The following SPACA7 variants were observed in gnomAD, a reference collection of about 807,000 sequenced individuals.
SPACA7 encodes the protein sperm acrosome-associated protein 7.
Under a neutral mutation model 26.3 loss-of-function variants are expected in SPACA7, and 19 were observed. That is an observed-to-expected ratio of 0.72 (90% CI 0.50 to 1.06). The LOEUF is 1.06. Among genes scored for constraint, SPACA7 ranks in the 50% least tolerant of loss-of-function variants. SPACA7 has a pLI of 0.00. For missense variants in SPACA7, 211 were observed against 229.9 expected, an observed-to-expected ratio of 0.92 and a Z score of 0.53; for synonymous variants, 84 against 84.5, an observed-to-expected ratio of 0.99 and a Z score of 0.04.
Position 112,376,449 on chromosome 13 carries a change from A to T in SPACA7, c.64A>T (p.Thr22Ser), listed in dbSNP as rs750835740. 1.2e-6 allele frequency: 2 copies of T among 1,613,688 alleles called. No individual in the cohort carries two copies. The highest frequency in any genetic ancestry group is 1.7e-6 in the Non-Finnish European group (2 of 1,179,864). Residue 22 changes from threonine to serine, a missense_variant, in exon 1 of 7, where the codon ACT becomes TCT. Physicochemically the swap from Thr to Ser is moderately conservative, Grantham distance 58. Transcript: ENST00000283550. ...CCTCCTGCTGTGCTGTTGGCAAGAA[A>T]CTGAGCTCCGGCCGAGAACCGTGAT... ...FVLLLCCWQETELRPRTVIPG... is the reference protein window; with the variant it reads ...FVLLLCCWQESELRPRTVIPG...
At chr13:112,413,655 A>G (rs966776983) in intron 5 of SPACA7, among the ~76,000 whole-genome samples, 19 of 152,144 alleles carry the variant, frequency 1.2e-4, no homozygotes, top group African/African-American at 4.1e-4. Context: ...CTCTGTAATT[A>G]CTTCTTTGAA....
In SPACA7 at chr13:112,383,141, G is replaced by GA. The variant is rs749225998; in HGVS notation, c.94+6665dup. 6.4e-4 allele frequency among the ~76,000 whole-genome samples: 23 copies of GA among 35,856 alleles called. 1 individual carries two copies. The highest frequency in any genetic ancestry group is 3.2e-3 in the African/African-American group (21 of 6,640). The allele number at this position is 35,856 out of a possible 152,430, so 23.5% of individuals were successfully genotyped here. ...AAAAGAAAAGAAAGAAAGAAAGAAA[G>GA]AAAGAAAGAAAGAAAGAAAGAAAGA... On this transcript the variant is annotated intron_variant, in intron 1 of 6. Coordinates refer to ENST00000283550, the MANE Select transcript of SPACA7 (RefSeq NM_145248.5).
chr13:112,415,187 C>A (rs1886612510), intron 5 of SPACA7, among the ~76,000 whole-genome samples: 1 of 152,218 alleles, frequency 6.6e-6, no homozygotes, highest in African/African-American at 2.4e-5. Flanking sequence ...GAATCTCTCT[C>A]CACACTGAGC....
chr13:112,422,872 G>C (rs780146947), intron 5 of SPACA7, among the ~76,000 whole-genome samples: 2 of 152,144 alleles, frequency 1.3e-5, no homozygotes, highest in African/African-American at 2.4e-5. Context: ...AGTGTTCTTG[G>C]AGTTAAGCAG....
intron 5 of SPACA7, 77 bp from the exon 6 acceptor site, chr13:112,432,367 T>A: frequency 1.6e-6 from 2 of 1,239,556 alleles, no homozygotes; most frequent in Non-Finnish European, 2.4e-6. Context: ...TACGGCTCCC[T>A]GAAGTTAAAG....
At position 112,387,615 on chromosome 13, in the gene SPACA7, A is replaced by T. The variant is rs566621513; in HGVS notation, c.95-5406A>T. 2.0e-4 allele frequency among the ~76,000 whole-genome samples: 31 copies of T among 152,290 alleles called. No homozygotes were observed. In the South Asian group the frequency reaches 6.4e-3, roughly 32 times the overall value. ...GAAATTTGGCTGGTAAGAATTTCTT[A>T]TCCTTTTTATCGGCATACCAGGCTT... On this transcript the variant is annotated intron_variant, in intron 1 of 6. Transcript: ENST00000283550.
chr13:112,430,395 T>C (rs534838878), intron 5 of SPACA7, among the ~76,000 whole-genome samples: 3 of 152,364 alleles, frequency 2.0e-5, no homozygotes, highest in African/African-American at 4.8e-5. Flanking sequence ...TGCTCTTTGC[T>C]GATTATTCTC....
chr13:112,432,448 G>C lies in SPACA7; in HGVS notation c.450G>C (p.Lys150Asn). Residue 150 changes from lysine to asparagine, a missense_variant, in exon 6 of 7, where the codon AAG (lysine) becomes AAC (asparagine). Transcript: ENST00000283550. ...TACTTATTGTTTTCCCCACAGAAAA[G>C]AATTCAAAGAACACTCAGTATGAAA... ...GSEKSVSSKE[K>N]NSKNTQYENL... 6.2e-7 allele frequency: 1 copy of C among 1,606,034 alleles called. No individual in the cohort carries two copies. Among genetic ancestry groups the C allele is most frequent in the African/African-American group, 1.3e-5 (1 of 74,902 alleles).
At chr13:112,396,791 G>T (rs929145820) in intron 2 of SPACA7, among the ~76,000 whole-genome samples, 3 of 152,244 alleles carry the variant, frequency 2.0e-5, no homozygotes, top group African/African-American at 7.2e-5. Flanking sequence ...GCTCTGGTCC[G>T]GCAGCTCCGC....
chr13:112,406,344 G>A (rs185067871), intron 5 of SPACA7, among the ~76,000 whole-genome samples: 1 of 152,086 alleles, frequency 6.6e-6, no homozygotes, highest in Non-Finnish European at 1.5e-5. Context: ...GGAATCACAC[G>A]GTATTTGTCC....
At chr13:112,395,935 C>G (rs1031441573) in intron 2 of SPACA7, among the ~76,000 whole-genome samples, 1 of 152,068 alleles carries the variant, frequency 6.6e-6, no homozygotes, top group Non-Finnish European at 1.5e-5. Flanking sequence ...TAGCCCTGAC[C>G]AATCTCCCCG....
At chr13:112,422,325 G>T (rs1357962577) in intron 5 of SPACA7, among the ~76,000 whole-genome samples, 3 of 152,138 alleles carry the variant, frequency 2.0e-5, no homozygotes, top group Non-Finnish European at 4.4e-5. Context: ...GAAAGTAAAA[G>T]CAGACAAATC....
chr13:112,390,132 T>C (rs76192237), intron 1 of SPACA7, among the ~76,000 whole-genome samples: 8,897 of 116,608 alleles, frequency 0.076, 339 homozygotes, highest in African/African-American at 0.13. Flanking sequence ...AAGGGTGTAA[T>C]GGGGGTGGGG....
At chr13:112,381,903 T>C (rs560796018) in intron 1 of SPACA7, among the ~76,000 whole-genome samples, 33 of 152,232 alleles carry the variant, frequency 2.2e-4, no homozygotes, top group African/African-American at 7.9e-4. Flanking sequence ...GCACTGATCT[T>C]AGGAGCAGTT....
intron 5 of SPACA7, among the ~76,000 whole-genome samples, chr13:112,422,879 G>A (rs548657917): frequency 1.6e-3 from 244 of 152,234 alleles, no homozygotes; most frequent in Non-Finnish European, 2.9e-3. Context: ...TTGGAGTTAA[G>A]CAGAACTAAC....
chr13:112,417,539 C>G (rs546663704), intron 5 of SPACA7, among the ~76,000 whole-genome samples: 2 of 152,110 alleles, frequency 1.3e-5, no homozygotes, highest in Admixed American at 1.3e-4. Flanking sequence ...CCTTTTGCTA[C>G]TTTTGTCCTT....
At chr13:112,426,409 T>C (rs1485610556) in intron 5 of SPACA7, among the ~76,000 whole-genome samples, 1 of 152,240 alleles carries the variant, frequency 6.6e-6, no homozygotes, top group Non-Finnish European at 1.5e-5. Context: ...TCTTTCTGTA[T>C]AAATTTAAGA....
intron 1 of SPACA7, among the ~76,000 whole-genome samples, chr13:112,377,911 A>G (rs1047034926): frequency 6.6e-6 from 1 of 152,222 alleles, no homozygotes; most frequent in Non-Finnish European, 1.5e-5. Flanking sequence ...TTGGAAACAC[A>G]GTTTCCGAAT....
At chr13:112,411,133 G>GTAT (rs1886322157) in intron 5 of SPACA7, among the ~76,000 whole-genome samples, 1 of 150,278 alleles carries the variant, frequency 6.7e-6, no homozygotes. Flanking sequence ...CATTTGCTAT[G>GTAT]TTTTTTTTAG....
Sources: gnomAD v4.1 joint callset for allele counts (sites outside exome capture counted in the v4.1 genomes callset) on GRCh38, gnomAD v4.1.1 for gene constraint, MANE v1.5 for transcripts, NCBI Gene and HGNC (gene_info 2026-07-23, HGNC 2026-07-21) for gene names.